Variants in WWP1 observed in about 807,000 individuals in gnomAD.
WWP1 encodes NEDD4-like E3 ubiquitin-protein ligase WWP1.
A neutral mutation model predicts 130.6 loss-of-function variants in WWP1; 49 were observed. The ratio of observed to expected loss-of-function variants is 0.38; its 90% CI spans 0.30 to 0.48. WWP1 has a LOEUF of 0.48. WWP1 is among the 20% of genes least tolerant of loss of function. WWP1 has a pLI of 0.99. For missense variants in WWP1, 809 were observed against 1,100.6 expected (o/e 0.74, Z 3.75); for synonymous variants, 332 against 367.8 (o/e 0.90, Z 1.11).
intron 9 of WWP1, among the ~76,000 whole-genome samples, chr8:86,417,060 C>T (rs1808929851): frequency 6.6e-6 from 1 of 152,116 alleles, no homozygotes; most frequent in Non-Finnish European, 1.5e-5. Flanking sequence ...ACGGTGATAC[C>T]TCTTGGGCCA....
intron 8 of WWP1, among the ~76,000 whole-genome samples, chr8:86,411,319 T>C (rs1808570500): frequency 6.6e-6 from 1 of 152,182 alleles, no homozygotes; most frequent in African/African-American, 2.4e-5. Flanking sequence ...TAAATTTTTA[T>C]CATTTACATA....
intron 11 of WWP1, among the ~76,000 whole-genome samples, chr8:86,429,857 A>C (rs1181235038): frequency 2.0e-5 from 3 of 152,200 alleles, no homozygotes; most frequent in Admixed American, 6.5e-5. Context: ...TCGAAAAACT[A>C]ATAATTAATT....
chr8:86,349,266 G>A (rs1001441045), intron 1 of WWP1, among the ~76,000 whole-genome samples: 8 of 152,184 alleles, frequency 5.3e-5, no homozygotes, highest in African/African-American at 1.4e-4. Context: ...TGATCTGTCC[G>A]CCTCGGCCTC....
At chr8:86,413,803 G>A (rs1372560847) in intron 9 of WWP1, among the ~76,000 whole-genome samples, 1 of 152,204 alleles carries the variant, frequency 6.6e-6, no homozygotes, top group Non-Finnish European at 1.5e-5. Context: ...AGTTTTTTCT[G>A]AAAACCACGA....
intron 24 of WWP1, among the ~76,000 whole-genome samples, chr8:86,462,382 G>T (rs117784311): frequency 8.5e-4 from 130 of 152,292 alleles, no homozygotes; most frequent in Non-Finnish European, 1.6e-3. Flanking sequence ...AGACCCCGAA[G>T]AAATTGTTTT....
chr8:86,350,398 G>T (rs1822845822), intron 1 of WWP1, among the ~76,000 whole-genome samples: 1 of 152,140 alleles, frequency 6.6e-6, no homozygotes. Context: ...TTCATTTTAA[G>T]AATTTAGGTT....
rs185036655 is a variant in WWP1, at chr8:86,456,548, C to T, written c.2395-1373C>T. On this transcript the variant is annotated intron_variant, in intron 21 of 24. Coordinates refer to ENST00000517970, the MANE Select transcript of WWP1 (RefSeq NM_007013.4). ...CACTTTGAGATAGTGTTGGTAGTTT[C>T]TTGTAATGTTAAATGTACATCTACC... is the stretch of plus-strand genomic sequence containing the variant. 6.1e-3 allele frequency among the ~76,000 whole-genome samples: 922 copies of T among 151,990 alleles called. 7 individuals carry two copies. The highest frequency in any genetic ancestry group is 9.8e-3 in the Non-Finnish European group (667 of 67,790).
chr8:86,410,636 T>G (rs1808528013), intron 8 of WWP1, among the ~76,000 whole-genome samples: 1 of 151,968 alleles, frequency 6.6e-6, no homozygotes, highest in Non-Finnish European at 1.5e-5. Context: ...TGGAGTCTTA[T>G]CAGGTGCATT....
chr8:86,397,525 G>T (rs1807746713), intron 5 of WWP1, among the ~76,000 whole-genome samples: 2 of 152,024 alleles, frequency 1.3e-5, no homozygotes, highest in African/African-American at 2.4e-5. Context: ...ATTACATTGT[G>T]CAATATCTCC....
At chr8:86,387,049 A>G (rs1180223618) in intron 5 of WWP1, 1 of 152,184 alleles carries the variant, frequency 6.6e-6, no homozygotes, top group East Asian at 1.9e-4. Flanking sequence ...CGCCCTCTTG[A>G]TTTAATCCCT....
intron 3 of WWP1, among the ~76,000 whole-genome samples, chr8:86,380,519 A>G (rs564085097): frequency 6.6e-6 from 1 of 152,220 alleles, no homozygotes; most frequent in Non-Finnish European, 1.5e-5. Flanking sequence ...ATTATATGAT[A>G]TGTGAATGAT....
chr8:86,368,344 C>A (rs1006339518), intron 1 of WWP1, among the ~76,000 whole-genome samples: 1 of 152,158 alleles, frequency 6.6e-6, no homozygotes, highest in Non-Finnish European at 1.5e-5. Context: ...TTCTCTCTAT[C>A]CTGGTTAGGG....
intron 3 of WWP1, 62 bp from the exon 4 acceptor site, chr8:86,380,664 G>A (rs1824932196): frequency 6.8e-7 from 1 of 1,472,014 alleles, no homozygotes; most frequent in Admixed American, 2.3e-5. Context: ...CTTATTGATT[G>A]ATTAGTGTGC....
intron 24 of WWP1, 129 bp downstream of exon 24, chr8:86,461,975 C>T: frequency 1.5e-6 from 1 of 687,440 alleles, no homozygotes; most frequent in Non-Finnish European, 2.5e-6. Context: ...ATTTTGAGAA[C>T]AGATTAATAC....
At chr8:86,452,529 C>G in intron 20 of WWP1, 30 bp from the exon 21 acceptor site, 1 of 1,565,560 alleles carries the variant, frequency 6.4e-7, no homozygotes, top group Middle Eastern at 2.3e-4. Context: ...ATATAAATTA[C>G]CTATTTTTAA....
Position 86,468,105 on chromosome 8 carries a change from G to A in WWP1, c.*1212G>A. 1 of 177,554 alleles carries A rather than the reference G, an allele frequency of 5.6e-6. No homozygotes were observed. The highest frequency in any genetic ancestry group is 1.2e-5 in the Non-Finnish European group (1 of 83,734). 11.0% of individuals were successfully genotyped at this position (177,554 alleles called of 1,614,324 possible). A position where few individuals can be genotyped will look rare whatever the true frequency, so the allele number is the denominator to read the frequency against. On this transcript the variant is annotated 3_prime_UTR_variant, in exon 25 of 25. Transcript: ENST00000517970. ...TATTAATGCTACTTTTAGCAAACTG[G>A]GCTTCCTAATACAAAATTTTAAATT...
intron 1 of WWP1, among the ~76,000 whole-genome samples, chr8:86,367,275 G>A (rs1415622004): frequency 6.6e-6 from 1 of 152,162 alleles, no homozygotes; most frequent in East Asian, 1.9e-4. Flanking sequence ...CAATAAGTAT[G>A]TTTGTTAATT....
At chr8:86,413,390 G>A (rs1474299356) in intron 9 of WWP1, among the ~76,000 whole-genome samples, 1 of 152,116 alleles carries the variant, frequency 6.6e-6, no homozygotes, top group Non-Finnish European at 1.5e-5. Context: ...CTAAGTGGTG[G>A]GGGAGGGGAA....
At chr8:86,433,751 C>T (rs1000579300) in intron 14 of WWP1, among the ~76,000 whole-genome samples, 1 of 152,152 alleles carries the variant, frequency 6.6e-6, no homozygotes, top group African/African-American at 2.4e-5. Context: ...CGAGACCAGC[C>T]TGGCCAACAT....
Sources: allele counts gnomAD v4.1 joint callset (sites outside exome capture counted in the v4.1 genomes callset), GRCh38; gene constraint gnomAD v4.1.1; transcripts MANE v1.5; gene names NCBI Gene and HGNC (gene_info 2026-07-23, HGNC 2026-07-21).